The following FGF12 variants were observed in gnomAD, a reference collection of about 807,000 sequenced individuals.
The protein encoded by FGF12 is fibroblast growth factor 12B.
A neutral mutation model predicts 23.6 loss-of-function variants in FGF12; 14 were observed. That is an observed-to-expected ratio of 0.59 (90% CI 0.39 to 0.93). The LOEUF is 0.93. Among genes scored for constraint, FGF12 ranks in the 40% least tolerant of loss-of-function variants. The pLI, the probability that FGF12 is intolerant of heterozygous loss-of-function variation, is 0.00. For synonymous variants in FGF12, 62 were observed against 77.3 expected, an observed-to-expected ratio of 0.80 and a Z score of 1.04; for missense variants, 175 against 217.8, an observed-to-expected ratio of 0.80 and a Z score of 1.24.
chr3:192,712,529 A>C (rs1320754786), intron 2 of FGF12, among the ~76,000 whole-genome samples: 1 of 152,120 alleles, frequency 6.6e-6, no homozygotes, highest in Non-Finnish European at 1.5e-5. Context: ...TGTACAAAAA[A>C]TAAGAAATCA....
At chr3:192,351,909 G>A (rs998542342) in intron 3 of FGF12, among the ~76,000 whole-genome samples, 7 of 152,184 alleles carry the variant, frequency 4.6e-5, no homozygotes, top group Non-Finnish European at 8.8e-5. Context: ...TTTGAAGGGT[G>A]AGAGTGGCTT....
At chr3:192,717,880 A>G (rs1281350973) in intron 2 of FGF12, among the ~76,000 whole-genome samples, 1 of 152,192 alleles carries the variant, frequency 6.6e-6, no homozygotes, top group Non-Finnish European at 1.5e-5. Context: ...TCGCATAATC[A>G]AGAAATTCAG....
intron 2 of FGF12, among the ~76,000 whole-genome samples, chr3:192,592,996 C>G (rs976382830): frequency 6.6e-6 from 1 of 151,900 alleles, no homozygotes; most frequent in Non-Finnish European, 1.5e-5. Flanking sequence ...GTGATTGCCT[C>G]CTCACTGGTC....
chr3:192,203,872 A>G (rs1717508040), intron 4 of FGF12, among the ~76,000 whole-genome samples: 1 of 152,122 alleles, frequency 6.6e-6, no homozygotes, highest in African/African-American at 2.4e-5. Flanking sequence ...CCAAAGTGCT[A>G]GAATTATAGG....
At chr3:192,533,540 A>C in intron 2 of FGF12, among the ~76,000 whole-genome samples, 1 of 152,204 alleles carries the variant, frequency 6.6e-6, no homozygotes, top group East Asian at 1.9e-4. Flanking sequence ...GCTTAAGGAA[A>C]AACAACAACA....
In FGF12 at chr3:192,522,158, A is replaced by G. The variant is rs576166473; in HGVS notation, c.14-161620T>C. On this transcript the variant is annotated intron_variant, in intron 2 of 5. Transcript: ENST00000445105. ...GCTTGCAATGAGCCGAGATCGCGCC[A>G]CTGCACTCCAGCCTGGGCGACAGAG... Among the ~76,000 whole-genome samples, 32 of 149,754 alleles carry G rather than the reference A, an allele frequency of 2.1e-4. No homozygotes were observed. The East Asian group carries it at 6.3e-3, about 30-fold the overall frequency.
chr3:192,684,807 C>G (rs1370076109), intron 2 of FGF12, among the ~76,000 whole-genome samples: 1 of 152,118 alleles, frequency 6.6e-6, no homozygotes. Flanking sequence ...AAAGTTCATT[C>G]ATATCATAGT....
intron 4 of FGF12, among the ~76,000 whole-genome samples, chr3:192,288,276 A>T (rs1384989817): frequency 1.3e-5 from 2 of 152,130 alleles, no homozygotes; most frequent in African/African-American, 4.8e-5. Context: ...AACAAGAGTG[A>T]TTTATAGCAA....
intron 2 of FGF12, among the ~76,000 whole-genome samples, chr3:192,699,061 C>G (rs1046076506): frequency 6.6e-6 from 1 of 152,186 alleles, no homozygotes; most frequent in African/African-American, 2.4e-5. Flanking sequence ...GTCTTAGCCA[C>G]TAAAAACCTG....
At chr3:192,195,171 A>C (rs1023616041) in intron 4 of FGF12, among the ~76,000 whole-genome samples, 1 of 152,312 alleles carries the variant, frequency 6.6e-6, no homozygotes, top group Non-Finnish European at 1.5e-5. Context: ...GGAACAAAAC[A>C]AATTTTTTTT....
chr3:192,626,232 G>A (rs1448525709), intron 2 of FGF12, among the ~76,000 whole-genome samples: 1 of 152,064 alleles, frequency 6.6e-6, no homozygotes, highest in Non-Finnish European at 1.5e-5. Context: ...GAAATAATTA[G>A]CATATGTTAT....
intron 2 of FGF12, among the ~76,000 whole-genome samples, chr3:192,616,781 C>T (rs1036103299): frequency 6.6e-6 from 1 of 151,672 alleles, no homozygotes; most frequent in African/African-American, 2.4e-5. Flanking sequence ...TATTCTCTGC[C>T]TTCTGCTATC....
At chr3:192,192,916 A>C (rs1716869107) in intron 4 of FGF12, among the ~76,000 whole-genome samples, 1 of 152,224 alleles carries the variant, frequency 6.6e-6, no homozygotes, top group Non-Finnish European at 1.5e-5. Context: ...GTCAATAAAA[A>C]TGAAATTAAT....
At position 192,218,612 on chromosome 3, in the gene FGF12, GC is replaced by G. The variant is rs745481363; in HGVS notation, c.229-47957del. On this transcript the variant is annotated intron_variant, in intron 4 of 5. Transcript: ENST00000445105. ...TCCTGAGGCCTCCCCAGAAGGAGAA[GC>G]CTATACAGCCTGCAAAACTGTGAGG... Among the ~76,000 whole-genome samples, 150 of 152,204 alleles carry G rather than the reference GC, an allele frequency of 9.9e-4. 1 individual carries two copies. The highest frequency in any genetic ancestry group is 1.9e-3 in the Non-Finnish European group (129 of 68,012).
chr3:192,254,134 T>C (rs1317150577), intron 4 of FGF12, among the ~76,000 whole-genome samples: 1 of 151,846 alleles, frequency 6.6e-6, no homozygotes, highest in African/African-American at 2.4e-5. Context: ...ATTCCTCCTA[T>C]CAAACTGAAA....
At chr3:192,289,675 C>T (rs1440430181) in intron 4 of FGF12, among the ~76,000 whole-genome samples, 1 of 152,046 alleles carries the variant, frequency 6.6e-6, no homozygotes, top group Non-Finnish European at 1.5e-5. Flanking sequence ...CCACTTTTAA[C>T]TTTTGTTTAT....
At chr3:192,368,847 G>T (rs1356889867) in intron 2 of FGF12, among the ~76,000 whole-genome samples, 1 of 152,140 alleles carries the variant, frequency 6.6e-6, no homozygotes, top group African/African-American at 2.4e-5. Context: ...GAGAAAGTCT[G>T]CCAGCCCTTT....
chr3:192,726,891 C>A (rs550925269), intron 2 of FGF12: 2 of 453,630 alleles, frequency 4.4e-6, no homozygotes, highest in Non-Finnish European at 7.9e-6. Context: ...CTAACACATA[C>A]CTCCTCCTCC....
intron 4 of FGF12, among the ~76,000 whole-genome samples, chr3:192,281,166 G>C (rs2108639480): frequency 6.6e-6 from 1 of 152,262 alleles, no homozygotes; most frequent in African/African-American, 2.4e-5. Flanking sequence ...CTGAAGGCCA[G>C]AATTCTAAAA....
Sources: gnomAD v4.1 joint callset for allele counts (sites outside exome capture counted in the v4.1 genomes callset) on GRCh38, gnomAD v4.1.1 for gene constraint, MANE v1.5 for transcripts, NCBI Gene and HGNC (gene_info 2026-07-23, HGNC 2026-07-21) for gene names.